Variants in UTRN observed in about 807,000 individuals in gnomAD.
The protein encoded by UTRN is dystrophin-related protein 1.
UTRN carries 283 observed loss-of-function variants against 463.9 expected under a neutral mutation model. The ratio of observed to expected loss-of-function variants is 0.61; its 90% CI spans 0.55 to 0.67. The LOEUF (loss-of-function observed/expected upper bound fraction) is 0.67, where lower values mean the gene tolerates loss of function less well. Among genes scored for constraint, UTRN ranks in the 30% least tolerant of loss-of-function variants. UTRN has a pLI of 0.00. For missense variants in UTRN, 3,922 were observed against 4,084.3 expected, an observed-to-expected ratio of 0.96 and a Z score of 1.08; for synonymous variants, 1,442 against 1,431.5, an observed-to-expected ratio of 1.01 and a Z score of -0.17.
intron 41 of UTRN, among the ~76,000 whole-genome samples, chr6:144,530,342 A>G (rs548615915): frequency 1.4e-3 from 211 of 152,274 alleles, no homozygotes; most frequent in Non-Finnish European, 2.4e-3. Flanking sequence ...CAGTCCTTTC[A>G]GACTAGAGCC....
At chr6:144,794,089 C>T (rs1435849880) in intron 63 of UTRN, 98 bp downstream of exon 63, 11 of 1,493,434 alleles carry the variant, frequency 7.4e-6, no homozygotes, top group Non-Finnish European at 9.9e-6. Flanking sequence ...GAGCCAAATA[C>T]TGGAAGACTT....
chr6:144,470,774 C>T (rs991749076), intron 23 of UTRN, among the ~76,000 whole-genome samples: 118 of 152,070 alleles, frequency 7.8e-4, no homozygotes, highest in African/African-American at 8.9e-4. Flanking sequence ...TCTGCAATCC[C>T]GGTACCTCGG....
intron 25 of UTRN, among the ~76,000 whole-genome samples, chr6:144,478,206 A>T (rs1453724268): frequency 6.6e-6 from 1 of 152,252 alleles, no homozygotes; most frequent in Non-Finnish European, 1.5e-5. Flanking sequence ...GATATCCTGA[A>T]AAAAAGGAAC....
At chr6:144,422,414 C>T (rs576850685) in intron 4 of UTRN, among the ~76,000 whole-genome samples, 2 of 152,230 alleles carry the variant, frequency 1.3e-5, no homozygotes, top group East Asian at 1.9e-4. Flanking sequence ...CTCAGCAGTT[C>T]GAGACCAGCC....
intron 10 of UTRN, among the ~76,000 whole-genome samples, chr6:144,436,801 A>AAT (rs1562396726): frequency 7.0e-6 from 1 of 143,460 alleles, no homozygotes; most frequent in Non-Finnish European, 1.5e-5. Flanking sequence ...TTTATATATA[A>AAT]ATATATATAA....
chr6:144,765,480 C>T (rs943904902), intron 58 of UTRN, among the ~76,000 whole-genome samples: 8 of 152,112 alleles, frequency 5.3e-5, no homozygotes, highest in African/African-American at 1.9e-4. Context: ...GTGGTGCAAC[C>T]ATGGCTCATT....
chr6:144,508,543 C>T (rs1466235112), intron 34 of UTRN, among the ~76,000 whole-genome samples: 1 of 152,168 alleles, frequency 6.6e-6, no homozygotes, highest in African/African-American at 2.4e-5. Flanking sequence ...GAAGCGACAC[C>T]CTCCGTGGGC....
At position 144,469,169 on chromosome 6, in the gene UTRN, A is replaced by G. The variant is rs114220520; in HGVS notation, c.3067-4551A>G. Reference sequence around the variant, plus strand: ...TACTTTGAAACAGTTACAGGATAGAACAAGCATTAATGTTGGCAGCAATTA... The same window carrying G: ...TACTTTGAAACAGTTACAGGATAGAGCAAGCATTAATGTTGGCAGCAATTA... On this transcript the variant is annotated intron_variant, in intron 23 of 74. Coordinates refer to ENST00000367545, the MANE Select transcript of UTRN (RefSeq NM_007124.3). Among the ~76,000 whole-genome samples the G allele has an allele frequency of 3.0e-3, 463 of 152,356 alleles. 1 individual carries two copies. The highest frequency in any genetic ancestry group is 0.011 in the African/African-American group (438 of 41,590).
At chr6:144,414,248 C>T (rs144877134) in intron 3 of UTRN, among the ~76,000 whole-genome samples, 1 of 152,246 alleles carries the variant, frequency 6.6e-6, no homozygotes, top group Non-Finnish European at 1.5e-5. Context: ...CCCCTGAAGA[C>T]CTTCCAGTGG....
chr6:144,622,176 TTTTTGTTG>T, intron 51 of UTRN, among the ~76,000 whole-genome samples: 10 of 134,182 alleles, frequency 7.5e-5, no homozygotes, highest in African/African-American at 3.0e-4. Context: ...TATCCATTTT[TTTTTGTTG>T]TTTTTTTTTT....
At chr6:144,768,947 TG>T (rs1469089828) in intron 58 of UTRN, among the ~76,000 whole-genome samples, 5,249 of 126,110 alleles carry the variant, frequency 0.042, 220 homozygotes, top group East Asian at 0.085. Flanking sequence ...CTTTGTTTTT[TG>T]TTTTGTTTTG....
chr6:144,526,490 G>A (rs1162308189), intron 41 of UTRN, among the ~76,000 whole-genome samples: 1 of 152,000 alleles, frequency 6.6e-6, no homozygotes, highest in Non-Finnish European at 1.5e-5. Flanking sequence ...TCTGATATAA[G>A]AATAGCTACT....
chr6:144,510,463 T>TA (rs1404497136), intron 34 of UTRN, among the ~76,000 whole-genome samples: 2 of 152,230 alleles, frequency 1.3e-5, no homozygotes, highest in African/African-American at 2.4e-5. Flanking sequence ...CACCCAGCTG[T>TA]AAGATGTTAT....
intron 2 of UTRN, among the ~76,000 whole-genome samples, chr6:144,395,658 A>T (rs192279097): frequency 6.6e-6 from 1 of 152,342 alleles, no homozygotes; most frequent in East Asian, 1.9e-4. Context: ...GAAAATAACT[A>T]TTTTGAGAGT....
chr6:144,714,625 A>G (rs144897554), intron 53 of UTRN, among the ~76,000 whole-genome samples: 14 of 152,336 alleles, frequency 9.2e-5, no homozygotes, highest in East Asian at 3.9e-4. Context: ...TCACATAGCC[A>G]GACCTGCTTG....
intron 52 of UTRN, among the ~76,000 whole-genome samples, chr6:144,679,757 C>T (rs903201383): frequency 2.6e-5 from 4 of 152,086 alleles, no homozygotes; most frequent in African/African-American, 9.7e-5. Flanking sequence ...TCAATGATTA[C>T]TTATCATAAA....
intron 60 of UTRN, among the ~76,000 whole-genome samples, chr6:144,776,420 G>A (rs1348759184): frequency 6.6e-6 from 1 of 152,182 alleles, no homozygotes; most frequent in Admixed American, 6.5e-5. Context: ...CTCATTATGT[G>A]CAAATCTCCA....
intron 51 of UTRN, among the ~76,000 whole-genome samples, chr6:144,614,729 CT>C (rs1242190897): frequency 1.3e-5 from 2 of 152,126 alleles, no homozygotes; most frequent in African/African-American, 4.8e-5. Context: ...GTCAAATGTG[CT>C]TTTGCACAGT....
intron 2 of UTRN, among the ~76,000 whole-genome samples, chr6:144,323,679 T>G (rs1161252239): frequency 1.3e-5 from 2 of 152,232 alleles, no homozygotes; most frequent in Non-Finnish European, 2.9e-5. Flanking sequence ...CTCTTTCTCT[T>G]GCTTGTTTTT....
Sources: allele counts gnomAD v4.1 joint callset (sites outside exome capture counted in the v4.1 genomes callset), GRCh38; gene constraint gnomAD v4.1.1; transcripts MANE v1.5; gene names NCBI Gene and HGNC (gene_info 2026-07-23, HGNC 2026-07-21).